Variants in FHIT observed in about 807,000 individuals in gnomAD.
FHIT encodes fragile histidine triad diadenosine triphosphatase.
A neutral mutation model predicts 17.9 loss-of-function variants in FHIT; 19 were observed. That is an observed-to-expected ratio of 1.06 (90% CI 0.74 to 1.56). The LOEUF (loss-of-function observed/expected upper bound fraction) is 1.56, where lower values mean the gene tolerates loss of function less well. FHIT is among the 40% of genes most tolerant of loss of function. The pLI, the probability that FHIT is intolerant of heterozygous loss-of-function variation, is 0.00. For missense variants in FHIT, 248 were observed against 189.2 expected, an observed-to-expected ratio of 1.31 and a Z score of -1.82; for synonymous variants, 81 against 69.7, an observed-to-expected ratio of 1.16 and a Z score of -0.81.
At chr3:60,248,575 C>G (rs541890659) in intron 5 of FHIT, among the ~76,000 whole-genome samples, 1 of 152,056 alleles carries the variant, frequency 6.6e-6, no homozygotes, top group Non-Finnish European at 1.5e-5. Context: ...CTTTTAAAAT[C>G]TTCATTTGAA....
At chr3:60,710,091 A>T (rs1179112337) in intron 4 of FHIT, among the ~76,000 whole-genome samples, 1 of 151,818 alleles carries the variant, frequency 6.6e-6, no homozygotes, top group Non-Finnish European at 1.5e-5. Context: ...AAAAAAAAAA[A>T]AAAACTCAAC....
intron 7 of FHIT, among the ~76,000 whole-genome samples, chr3:59,981,227 C>G (rs1386894536): frequency 6.6e-6 from 1 of 152,144 alleles, no homozygotes; most frequent in Non-Finnish European, 1.5e-5. Context: ...TAGATTATTC[C>G]TGAATCCAGA....
intron 3 of FHIT, among the ~76,000 whole-genome samples, chr3:60,896,815 T>C (rs962849431): frequency 6.6e-6 from 1 of 152,196 alleles, no homozygotes; most frequent in African/African-American, 2.4e-5. Flanking sequence ...TAATGTTATT[T>C]CGGAATATAC....
intron 2 of FHIT, among the ~76,000 whole-genome samples, chr3:61,181,484 G>A (rs966591361): frequency 1.3e-5 from 2 of 152,036 alleles, no homozygotes; most frequent in Non-Finnish European, 2.9e-5. Flanking sequence ...AACTGGTGGG[G>A]AAAAAAACAG....
At chr3:59,823,980 A>C (rs933073877) in intron 8 of FHIT, among the ~76,000 whole-genome samples, 4 of 152,248 alleles carry the variant, frequency 2.6e-5, no homozygotes, top group Non-Finnish European at 5.9e-5. Context: ...TTCAGAACTG[A>C]TAAGTGAATT....
At chr3:60,729,966 T>C (rs1333708245) in intron 4 of FHIT, 4 of 189,412 alleles carry the variant, frequency 2.1e-5, no homozygotes, top group Admixed American at 6.0e-5. Flanking sequence ...AATTAAAACA[T>C]AGAAATTAAT....
chr3:59,801,487 T>C (rs957365332), intron 8 of FHIT, among the ~76,000 whole-genome samples: 1 of 152,204 alleles, frequency 6.6e-6, no homozygotes, highest in Non-Finnish European at 1.5e-5. Context: ...TCCTTCTTTG[T>C]ACATTTCTGA....
intron 5 of FHIT, among the ~76,000 whole-genome samples, chr3:60,496,538 G>A (rs2034307294): frequency 6.6e-6 from 1 of 152,086 alleles, no homozygotes; most frequent in African/African-American, 2.4e-5. Flanking sequence ...CCAATGCTAT[G>A]GAGTATCAAC....
At chr3:61,174,417 C>G (rs1473394872) in intron 2 of FHIT, among the ~76,000 whole-genome samples, 6 of 152,070 alleles carry the variant, frequency 3.9e-5, no homozygotes, top group African/African-American at 4.8e-5. Context: ...TTTTAAATTT[C>G]TAAATAAATA....
chr3:60,030,320 G>A (rs866602890), intron 5 of FHIT, among the ~76,000 whole-genome samples: 3 of 152,140 alleles, frequency 2.0e-5, no homozygotes, highest in African/African-American at 4.8e-5. Context: ...ATAGCTGTAT[G>A]TTTTCCTTCA....
At chr3:61,084,049 T>C (rs1451990135) in intron 2 of FHIT, among the ~76,000 whole-genome samples, 8 of 152,222 alleles carry the variant, frequency 5.3e-5, no homozygotes, top group Non-Finnish European at 1.0e-4. Context: ...AGATGCTTTA[T>C]TGATTTAGCT....
rs183800422 is a variant in FHIT, at chr3:60,210,039, T to C, written c.104-195887A>G. ...GTAACAAACCTGCACGTTCTGCGCA[T>C]GTATCCCAGAACTTAAAATAAAAAA... On this transcript the variant is annotated intron_variant, in intron 5 of 9. Coordinates refer to ENST00000492590, the MANE Select transcript of FHIT (RefSeq NM_002012.4). 7.8e-3 allele frequency among the ~76,000 whole-genome samples: 1,180 copies of C among 152,172 alleles called. 7 individuals carry two copies. Among genetic ancestry groups the C allele is most frequent in the Middle Eastern group, 0.034 (10 of 294 alleles).
intron 4 of FHIT, chr3:60,617,006 G>C (rs540269083): frequency 7.9e-5 from 14 of 177,120 alleles, no homozygotes; most frequent in Middle Eastern, 5.9e-4. Flanking sequence ...GAGCTTTGGA[G>C]AATGAGGAAC....
chr3:60,713,799 C>G (rs2041606671), intron 4 of FHIT, among the ~76,000 whole-genome samples: 1 of 151,776 alleles, frequency 6.6e-6, no homozygotes, highest in African/African-American at 2.4e-5. Flanking sequence ...CAATAGCTTA[C>G]CAACCAAAAA....
intron 5 of FHIT, among the ~76,000 whole-genome samples, chr3:60,254,693 C>T (rs1705897134): frequency 6.6e-6 from 1 of 152,136 alleles, no homozygotes; most frequent in Non-Finnish European, 1.5e-5. Context: ...CTTACAGTTA[C>T]TTCCCATGTT....
At chr3:60,301,660 A>G (rs1708462473) in intron 5 of FHIT, among the ~76,000 whole-genome samples, 1 of 152,156 alleles carries the variant, frequency 6.6e-6, no homozygotes. Context: ...CATGACTTAG[A>G]ATCTAAAAAT....
Position 60,314,411 on chromosome 3 carries a change from G to T in FHIT, c.103+222449C>A, listed in dbSNP as rs538133839. On this transcript the variant is annotated intron_variant, in intron 5 of 9. Coordinates refer to ENST00000492590, the MANE Select transcript of FHIT (RefSeq NM_002012.4). ...TAAATAAAAGTCTAAGTTCACCCGA[G>T]CCTGGATAAAATAAAACTCAAAGCC... is the stretch of plus-strand genomic sequence containing the variant. Among the ~76,000 whole-genome samples the T allele has an allele frequency of 4.5e-4, 69 of 152,116 alleles. 2 individuals are homozygous for T. The South Asian group carries it at 0.014, about 31-fold the overall frequency.
intron 8 of FHIT, among the ~76,000 whole-genome samples, chr3:59,878,229 C>A (rs1575630241): frequency 1.3e-5 from 2 of 152,116 alleles, no homozygotes; most frequent in South Asian, 4.2e-4. Flanking sequence ...TAATTTTTCC[C>A]AAGGCCATGG....
At chr3:61,244,259 T>A (rs756106870) in intron 1 of FHIT, 4 of 152,162 alleles carry the variant, frequency 2.6e-5, no homozygotes, top group Non-Finnish European at 5.9e-5. Context: ...CCCAGGTGAT[T>A]CTAACTTACA....
Sources: gnomAD v4.1 joint callset for allele counts (sites outside exome capture counted in the v4.1 genomes callset) on GRCh38, gnomAD v4.1.1 for gene constraint, MANE v1.5 for transcripts, NCBI Gene and HGNC (gene_info 2026-07-23, HGNC 2026-07-21) for gene names.